AIG1: variants seen among roughly 807,000 people sequenced by gnomAD.
The protein encoded by AIG1 is androgen-induced gene 1 protein.
In AIG1, 23 loss-of-function variants were observed where a neutral mutation model predicts 31.4. The observed-to-expected ratio is 0.73, with a 90% confidence interval of 0.53 to 1.04. The LOEUF is 1.04. AIG1 is among the 50% of genes least tolerant of loss of function. The probability of loss-of-function intolerance (pLI) is 0.00; values close to 1 mark genes in which losing one functional copy is unlikely to be tolerated. For missense variants in AIG1, 274 were observed against 295.0 expected (o/e 0.93, Z 0.52); for synonymous variants, 100 against 110.5 (o/e 0.90, Z 0.60).
chr6:143,278,369 A>G (rs1445409163), intron 3 of AIG1, among the ~76,000 whole-genome samples: 1 of 152,222 alleles, frequency 6.6e-6, no homozygotes, highest in African/African-American at 2.4e-5. Context: ...ATTAAATTGC[A>G]TAGTGAAAAG....
At chr6:143,170,207 G>C (rs1027868391) in intron 3 of AIG1, among the ~76,000 whole-genome samples, 3 of 152,020 alleles carry the variant, frequency 2.0e-5, no homozygotes, top group Non-Finnish European at 4.4e-5. Context: ...GCAGTAAACT[G>C]TTCTGTCCTG....
chr6:143,128,407 G>A (rs1381282636), intron 1 of AIG1, among the ~76,000 whole-genome samples: 2 of 152,138 alleles, frequency 1.3e-5, no homozygotes, highest in African/African-American at 2.4e-5. Context: ...TGGGATTTTT[G>A]TTGTTGTTGT....
intron 3 of AIG1, among the ~76,000 whole-genome samples, chr6:143,233,004 C>T (rs1793555536): frequency 1.3e-5 from 2 of 152,132 alleles, no homozygotes; most frequent in African/African-American, 4.8e-5. Context: ...CAAATAATGA[C>T]AACTGGCATG....
rs200523364 is a variant in AIG1 at position 143,333,229 on chromosome 6, T to G, written c.516-53T>G. The G allele has an allele frequency of 5.6e-5, 84 of 1,513,022 alleles. 2 individuals carry two copies. In the Middle Eastern group the frequency reaches 4.0e-3, roughly 71 times the overall value. The allele number at this position is 1,513,022 out of a possible 1,614,324, so 93.7% of individuals were successfully genotyped here. ...TATATTTGCATCATAGCAGCTTTGA[T>G]GCCTGCCATAAGAGTGACTCCTGTC... On this transcript the variant is annotated intron_variant, in intron 4 of 5. Transcript: ENST00000357847. The surrounding 1 kb of genome is among the most constrained non-coding windows in gnomAD (Gnocchi z 4.6).
intron 1 of AIG1, among the ~76,000 whole-genome samples, chr6:143,096,564 A>G (rs897879132): frequency 9.9e-5 from 15 of 152,242 alleles, no homozygotes; most frequent in African/African-American, 7.2e-5. Context: ...GCGGTTTTAA[A>G]TAGCAGAATC....
At chr6:143,119,246 A>ATTGTTT (rs1782034598) in intron 1 of AIG1, among the ~76,000 whole-genome samples, 1 of 152,218 alleles carries the variant, frequency 6.6e-6, no homozygotes, top group Admixed American at 6.5e-5. Context: ...TTTTGCCTAT[A>ATTGTTT]AATGCTCAAT....
intron 2 of AIG1, among the ~76,000 whole-genome samples, chr6:143,144,093 C>T (rs1784515844): frequency 6.6e-6 from 1 of 152,186 alleles, no homozygotes; most frequent in African/African-American, 2.4e-5. Context: ...TTAATTTGCA[C>T]ACATTTATGC....
downstream of AIG1, chr6:143,342,459 G>GA: frequency 1.3e-6 from 1 of 774,808 alleles, no homozygotes; most frequent in Non-Finnish European, 2.4e-6. Flanking sequence ...AACAAGTGGT[G>GA]AAGCATACAA....
intron 1 of AIG1, among the ~76,000 whole-genome samples, chr6:143,098,376 A>G (rs1779976012): frequency 1.3e-5 from 2 of 152,268 alleles, no homozygotes; most frequent in African/African-American, 2.4e-5. Context: ...CTGGGAAGTG[A>G]CACTCTTACC....
At chr6:143,113,767 T>C (rs1781494858) in intron 1 of AIG1, among the ~76,000 whole-genome samples, 1 of 152,082 alleles carries the variant, frequency 6.6e-6, no homozygotes, top group South Asian at 2.1e-4. Context: ...CATGTTTATC[T>C]TATGTAAATG....
intron 2 of AIG1, among the ~76,000 whole-genome samples, chr6:143,150,706 G>A (rs1277062415): frequency 6.6e-6 from 1 of 152,088 alleles, no homozygotes; most frequent in African/African-American, 2.4e-5. Flanking sequence ...AGGGTAGTAA[G>A]AGAGGAGAAA....
At chr6:143,250,777 C>T (rs927892183) in intron 3 of AIG1, among the ~76,000 whole-genome samples, 21 of 152,160 alleles carry the variant, frequency 1.4e-4, no homozygotes, top group Non-Finnish European at 4.4e-5. Context: ...TGAATGCACC[C>T]CAACACAAAT....
chr6:143,180,036 C>T (rs919122870), intron 3 of AIG1, among the ~76,000 whole-genome samples: 6 of 152,182 alleles, frequency 3.9e-5, no homozygotes, highest in Non-Finnish European at 5.9e-5. Context: ...CATTTCTATC[C>T]TTCCACCGTC....
At chr6:143,086,603 C>G (rs1033401667) in intron 1 of AIG1, among the ~76,000 whole-genome samples, 2 of 152,146 alleles carry the variant, frequency 1.3e-5, no homozygotes, top group African/African-American at 4.8e-5. Context: ...ACAAGACACC[C>G]TGGGTTCATA....
chr6:143,072,005 T>A (rs1777333763), intron 1 of AIG1, among the ~76,000 whole-genome samples: 1 of 151,996 alleles, frequency 6.6e-6, no homozygotes, highest in Admixed American at 6.6e-5. Context: ...TTACCCAGGC[T>A]GGTCTCAAAC....
chr6:143,104,416 C>T (rs1780610092), intron 1 of AIG1, among the ~76,000 whole-genome samples: 1 of 152,194 alleles, frequency 6.6e-6, no homozygotes, highest in South Asian at 2.1e-4. Flanking sequence ...CCATGGGAGT[C>T]CCTCATTCCA....
chr6:143,323,757 T>G (rs1483766385), intron 4 of AIG1, among the ~76,000 whole-genome samples: 1 of 152,064 alleles, frequency 6.6e-6, no homozygotes, highest in Non-Finnish European at 1.5e-5. Context: ...CCACTGCTGC[T>G]CACCCCACCT....
In AIG1 at chr6:143,326,058, G is replaced by A. The variant is rs1776585377; in HGVS notation, c.516-7224G>A. The stretch of plus-strand genomic sequence containing the variant: ...AACAGTTTGATAGACACTGGTCTAA[G>A]TGTTCTTAAATCTTTCAGCTAATTT... On this transcript the variant is annotated intron_variant, in intron 4 of 5. Coordinates refer to ENST00000357847, the MANE Select transcript of AIG1 (RefSeq NM_016108.4). The surrounding 1 kb of genome is among the most constrained non-coding windows in gnomAD (Gnocchi z 4.5). 6.6e-6 allele frequency among the ~76,000 whole-genome samples: 1 copy of A among 152,236 alleles called. No homozygotes were observed. Among genetic ancestry groups the A allele is most frequent in the South Asian group, 2.1e-4 (1 of 4,834 alleles).
At chr6:143,077,946 A>G (rs532825486) in intron 1 of AIG1, among the ~76,000 whole-genome samples, 1 of 152,304 alleles carries the variant, frequency 6.6e-6, no homozygotes, top group Admixed American at 6.5e-5. Context: ...CTTTAATACT[A>G]CTGAAGAGTA....
Sources: allele counts gnomAD v4.1 joint callset (sites outside exome capture counted in the v4.1 genomes callset), GRCh38; gene constraint gnomAD v4.1.1; non-coding constraint Gnocchi (gnomAD v3.1); transcripts MANE v1.5; gene names NCBI Gene and HGNC (gene_info 2026-07-23, HGNC 2026-07-21).